The following SH3YL1 variants were observed in gnomAD, a reference collection of about 807,000 sequenced individuals.
The protein encoded by SH3YL1 is SH3 domain-containing YSC84-like protein 1.
A neutral mutation model predicts 45.8 loss-of-function variants in SH3YL1; 41 were observed. The ratio of observed to expected loss-of-function variants is 0.89; its 90% CI spans 0.70 to 1.16. SH3YL1 has a LOEUF of 1.16. SH3YL1 is among the 50% of genes most tolerant of loss of function. The pLI, the probability that SH3YL1 is intolerant of heterozygous loss-of-function variation, is 0.00. For synonymous variants in SH3YL1, 152 were observed against 151.4 expected (o/e 1.00, Z -0.03); for missense variants, 389 against 409.6 (o/e 0.95, Z 0.43).
chr2:264,730 G>A (rs1669783365), upstream of SH3YL1: 4 of 480,012 alleles, frequency 8.3e-6, no homozygotes, highest in Non-Finnish European at 1.1e-5. Context: ...CAGGTGAACG[G>A]CGGCCCAGTC....
chr2:257,598 T>C (rs962636844), intron 1 of SH3YL1, among the ~76,000 whole-genome samples: 3 of 152,216 alleles, frequency 2.0e-5, no homozygotes, highest in African/African-American at 7.2e-5. Context: ...CTGTAACCAA[T>C]CCAGTTGTTT....
In SH3YL1 at chr2:230,045, C is replaced by T. The variant is rs144604911; in HGVS notation, c.703-1G>A. On this transcript the variant is annotated splice_acceptor_variant, in intron 7 of 9. Transcript: ENST00000356150. LOFTEE classifies it high-confidence loss of function. ...ATGGCTTTGGAGGTAATTCTTTAGC[C>T]TGGGAGAAACAAAAAGATAAATACA... 260 of 1,592,296 alleles carry T rather than the reference C, an allele frequency of 1.6e-4. 1 individual carries two copies. The Middle Eastern group carries it at 1.7e-3, about 10-fold the overall frequency.
Position 218,739 on chromosome 2 carries a change from G to T in SH3YL1, c.*72C>A. The T allele has an allele frequency of 1.6e-6, 2 of 1,250,416 alleles. No individual in the cohort carries two copies. The highest frequency in any genetic ancestry group is 2.2e-6 in the Non-Finnish European group (2 of 913,148). 77.5% of individuals were successfully genotyped at this position (1,250,416 alleles called of 1,614,324 possible). ...TTTTTTAAAATTTATATTAAACATTGCTTAACTAGTAAATCCTGTCAGTGT... is the reference window on the plus strand; with the variant it reads ...TTTTTTAAAATTTATATTAAACATTTCTTAACTAGTAAATCCTGTCAGTGT... On this transcript the variant is annotated 3_prime_UTR_variant, in exon 10 of 10. Transcript: ENST00000356150.
rs952565105 is a variant in SH3YL1, at chr2:224,740, A to G, written c.838+124T>C. The G allele has an allele frequency of 2.0e-5, 15 of 733,256 alleles. No homozygotes were observed. The African/African-American group carries it at 2.7e-4, about 13-fold the overall frequency. The allele number at this position is 733,256 out of a possible 1,614,324, so 45.4% of individuals were successfully genotyped here. A position where few individuals can be genotyped will look rare whatever the true frequency, so the allele number is the denominator to read the frequency against. On this transcript the variant is annotated intron_variant, in intron 9 of 9. Transcript: ENST00000356150. ...TGAAGTACTTCTCAAAAGAATGTGA[A>G]TATTCTATAAATTAAAGGGCTGAAC... is the stretch of plus-strand genomic sequence containing the variant.
chr2:246,739 G>A (rs1390522398), intron 4 of SH3YL1, among the ~76,000 whole-genome samples: 1 of 152,128 alleles, frequency 6.6e-6, no homozygotes, highest in East Asian at 1.9e-4. Context: ...GTCATGATAA[G>A]CAAAACTAAA....
In SH3YL1 at chr2:218,578, T is replaced by G. The variant is rs1667444831; in HGVS notation, c.*233A>C. 2.3e-6 allele frequency: 1 copy of G among 437,788 alleles called. No homozygotes were observed. Among genetic ancestry groups the G allele is most frequent in the African/African-American group, 2.0e-5 (1 of 49,804 alleles). 27.1% of individuals were successfully genotyped at this position (437,788 alleles called of 1,614,324 possible). A position where few individuals can be genotyped will look rare whatever the true frequency, so the allele number is the denominator to read the frequency against. ...TGTTCACAAGAGAACTATGAGCGTA[T>G]AAACTGTATGATATTCTATGACACA... On this transcript the variant is annotated 3_prime_UTR_variant, in exon 10 of 10. Transcript: ENST00000356150.
intron 2 of SH3YL1, 74 bp from the exon 3 acceptor site, chr2:249,918 A>C: frequency 9.6e-7 from 1 of 1,039,664 alleles, no homozygotes; most frequent in Non-Finnish European, 1.5e-6. Flanking sequence ...AGTGTTAAAC[A>C]GAGTCAGTGT....
chr2:243,586 G>C (rs1262302311), intron 4 of SH3YL1: 2 of 1,517,898 alleles, frequency 1.3e-6, no homozygotes, highest in African/African-American at 1.4e-5. Context: ...AACAGACCTC[G>C]AGTCGGTAAC....
chr2:255,394 G>A (rs1669271927), intron 1 of SH3YL1, among the ~76,000 whole-genome samples: 1 of 152,150 alleles, frequency 6.6e-6, no homozygotes, highest in South Asian at 2.1e-4. Flanking sequence ...AGGAGTTCGA[G>A]ACCAGCCTGG....
chr2:252,250 T>C (rs1558250778), intron 2 of SH3YL1, among the ~76,000 whole-genome samples: 1 of 152,204 alleles, frequency 6.6e-6, no homozygotes, highest in Non-Finnish European at 1.5e-5. Flanking sequence ...TACTGATTAA[T>C]GTCTTAAACC....
At chr2:228,145 A>G (rs1246285041) in intron 8 of SH3YL1, among the ~76,000 whole-genome samples, 2 of 152,264 alleles carry the variant, frequency 1.3e-5, no homozygotes, top group Non-Finnish European at 2.9e-5. Flanking sequence ...AGGGAGGAGG[A>G]GTGTTCACGA....
chr2:249,300 T>A (rs1183588881), intron 3 of SH3YL1, among the ~76,000 whole-genome samples: 1 of 152,192 alleles, frequency 6.6e-6, no homozygotes, highest in Non-Finnish European at 1.5e-5. Context: ...ATGTCACAGT[T>A]TTTATGATCT....
At position 247,591 on chromosome 2, in the gene SH3YL1, G is replaced by A. The variant is rs1195007404; in HGVS notation, c.238C>T (p.Pro80Ser). 6.4e-7 allele frequency: 1 copy of A among 1,550,862 alleles called. No homozygotes were observed. The highest frequency in any genetic ancestry group is 8.7e-7 in the Non-Finnish European group (1 of 1,146,698). Residue 80 changes from proline to serine, a missense_variant, in exon 4 of 10, where the codon CCC (proline) becomes TCC (serine). Transcript: ENST00000356150. ...AGGCCAGCTATCCCAATGGCTGAGG[G>A]TGCAGACCATTCTAATAAAAAAACA... is the stretch of plus-strand genomic sequence containing the variant. The part of the protein sequence containing the change: ...ARLPDGKWSA[P>S]SAIGIAGLGG...
rs1436100701 is a variant in SH3YL1 at position 218,674 on chromosome 2, A to G, written c.*137T>C. On this transcript the variant is annotated 3_prime_UTR_variant, in exon 10 of 10. Transcript: ENST00000356150. ...CAGCTCTTTTTATATAGAAAAACAA[A>G]ATCTTTTACATACGGAATGGAAATT... The G allele has an allele frequency of 1.5e-5, 11 of 720,204 alleles. No homozygotes were observed. In the South Asian group the frequency reaches 2.3e-4, roughly 15 times the overall value. The allele number at this position is 720,204 out of a possible 1,614,324, so 44.6% of individuals were successfully genotyped here.
chr2:243,466 A>G (rs1357898778), intron 4 of SH3YL1: 3 of 1,490,190 alleles, frequency 2.0e-6, no homozygotes, highest in African/African-American at 2.9e-5. Flanking sequence ...AAATTAGATA[A>G]TATTTTGAGA....
intron 1 of SH3YL1, among the ~76,000 whole-genome samples, chr2:259,150 CA>C (rs1669482958): frequency 6.6e-6 from 1 of 151,930 alleles, no homozygotes; most frequent in South Asian, 2.1e-4. Flanking sequence ...CCACCATGTG[CA>C]AAAAGTGCTC....
At chr2:259,495 C>T (rs1443727071) in intron 1 of SH3YL1, 3 of 151,708 alleles carry the variant, frequency 2.0e-5, no homozygotes, top group Non-Finnish European at 4.4e-5. Flanking sequence ...TTACAAGGGT[C>T]TTTTAATAAA....
chr2:230,394 A>G (rs1667982936), intron 7 of SH3YL1: 1 of 184,720 alleles, frequency 5.4e-6, no homozygotes, highest in Non-Finnish European at 1.1e-5. Flanking sequence ...TTCAGTTTTT[A>G]TTCCATGAAA....
chr2:218,916 G>A lies in SH3YL1; in HGVS notation c.924C>T (p.Asp308=). The stretch of plus-strand genomic sequence containing the variant: ...CTGTTTTTGATATAACTGTGATTCT[G>A]TCTCCAGCTTGAAAATTCAAATCCC... The part of the protein sequence containing the change: ...QPGDLNFQAG[D]RITVISKTDS... The change falls in exon 10 of 10, where the codon GAC becomes GAT. Residue 308 remains aspartate, a synonymous_variant. Coordinates refer to ENST00000356150, the MANE Select transcript of SH3YL1 (RefSeq NM_015677.4). 1 of 1,614,012 alleles carries A rather than the reference G, an allele frequency of 6.2e-7. No homozygotes were observed. The highest frequency in any genetic ancestry group is 1.6e-4 in the Middle Eastern group (1 of 6,062).
Sources: gnomAD v4.1 joint callset for allele counts (sites outside exome capture counted in the v4.1 genomes callset) on GRCh38, gnomAD v4.1.1 for gene constraint, MANE v1.5 for transcripts, NCBI Gene and HGNC (gene_info 2026-07-23, HGNC 2026-07-21) for gene names.